The following STK33 variants were observed in gnomAD, a reference collection of about 807,000 sequenced individuals.
STK33 encodes serine/threonine-protein kinase 33.
A neutral mutation model predicts 58.0 loss-of-function variants in STK33; 52 were observed. The observed-to-expected ratio is 0.90, with a 90% CI of 0.72 to 1.13. The LOEUF (loss-of-function observed/expected upper bound fraction) is 1.13, where lower values mean the gene tolerates loss of function less well. STK33 is among the 50% of genes most tolerant of loss of function. The pLI is 0.00. For missense variants in STK33, 630 were observed against 604.2 expected (o/e 1.04, Z -0.45); for synonymous variants, 215 against 200.1 (o/e 1.07, Z -0.63).
chr11:8,490,128 G>A (rs1293257212), intron 1 of STK33, among the ~76,000 whole-genome samples: 1 of 152,256 alleles, frequency 6.6e-6, no homozygotes, highest in Non-Finnish European at 1.5e-5. Context: ...GCCTCACCCA[G>A]GAAGTGCAGG....
downstream of STK33, among the ~76,000 whole-genome samples, chr11:8,390,691 G>A (rs1590667486): frequency 6.6e-6 from 1 of 152,188 alleles, no homozygotes; most frequent in South Asian, 2.1e-4. Flanking sequence ...CATATGACAG[G>A]CAGGGTGGCT....
chr11:8,545,943 A>G (rs1384503903), intron 1 of STK33, among the ~76,000 whole-genome samples: 1 of 152,232 alleles, frequency 6.6e-6, no homozygotes, highest in African/African-American at 2.4e-5. Flanking sequence ...CTACACACAC[A>G]GGCTATGTGG....
At chr11:8,450,463 G>A (rs1946134711) in intron 11 of STK33, among the ~76,000 whole-genome samples, 2 of 151,796 alleles carry the variant, frequency 1.3e-5, no homozygotes, top group Admixed American at 1.3e-4. Context: ...GTAGATGATG[G>A]GTTGATAGGT....
chr11:8,347,481 G>A, the STK33 span, among the ~76,000 whole-genome samples: 1 of 152,250 alleles, frequency 6.6e-6, no homozygotes, highest in African/African-American at 2.4e-5. Context: ...TCACAAGTCA[G>A]TGGTGGGCTC....
At chr11:8,491,852 C>T (rs1009649803) in intron 1 of STK33, among the ~76,000 whole-genome samples, 5 of 152,210 alleles carry the variant, frequency 3.3e-5, no homozygotes, top group South Asian at 2.1e-4. Flanking sequence ...CTAAGCTTCA[C>T]AAGTGAAGAG....
At chr11:8,561,880 A>C (rs911941670) in intron 1 of STK33, among the ~76,000 whole-genome samples, 2 of 152,140 alleles carry the variant, frequency 1.3e-5, no homozygotes, top group Admixed American at 1.3e-4. Context: ...TGCTTATCTC[A>C]ACTAGGGCTA....
At chr11:8,439,962 C>T (rs1316396290) in intron 12 of STK33, among the ~76,000 whole-genome samples, 1 of 147,254 alleles carries the variant, frequency 6.8e-6, no homozygotes, top group Non-Finnish European at 1.5e-5. Flanking sequence ...TGAAAGGACA[C>T]CCCTGGCAGC....
In STK33 at chr11:8,553,357, C is replaced by T. The variant is rs1050885445; in HGVS notation, c.-466+40726G>A. On this transcript the variant is annotated intron_variant, in intron 1 of 15. Coordinates refer to ENST00000687296, the MANE Select transcript of STK33 (RefSeq NM_001352389.2). Reference sequence around the variant, plus strand: ...TAAGTATATGTCCCACACTTTTATACAACTGGAAGTACAGTAAGTTTGGTT... The same window carrying T: ...TAAGTATATGTCCCACACTTTTATATAACTGGAAGTACAGTAAGTTTGGTT... 3.3e-5 allele frequency among the ~76,000 whole-genome samples: 5 copies of T among 150,794 alleles called. No individual in the cohort carries two copies. The Admixed American group carries it at 3.3e-4, about 10-fold the overall frequency.
At chr11:8,575,065 G>C (rs1958084684) in intron 1 of STK33, among the ~76,000 whole-genome samples, 1 of 152,084 alleles carries the variant, frequency 6.6e-6, no homozygotes, top group South Asian at 2.1e-4. Flanking sequence ...GAAGGGAAAG[G>C]ATAATGAAAT....
chr11:8,446,251 T>C (rs1945445553), intron 11 of STK33, among the ~76,000 whole-genome samples: 1 of 137,546 alleles, frequency 7.3e-6, no homozygotes, highest in Non-Finnish European at 1.6e-5. Flanking sequence ...TTATTGTGTC[T>C]ATTTGATTCT....
At chr11:8,352,336 C>T in the STK33 span, among the ~76,000 whole-genome samples, 3 of 152,152 alleles carry the variant, frequency 2.0e-5, no homozygotes, top group African/African-American at 4.8e-5. Context: ...AAAGCAGAAC[C>T]TGCCAAAAGG....
chr11:8,482,573 C>T (rs925812367), intron 1 of STK33, among the ~76,000 whole-genome samples: 1 of 151,684 alleles, frequency 6.6e-6, no homozygotes, highest in African/African-American at 2.4e-5. Flanking sequence ...ATGGAGTGGC[C>T]CAGGAAGTAA....
chr11:8,552,508 A>C (rs913297423), intron 1 of STK33, among the ~76,000 whole-genome samples: 7 of 152,164 alleles, frequency 4.6e-5, no homozygotes, highest in African/African-American at 9.7e-5. Context: ...ATACAGGTTC[A>C]GCTTTACAAA....
At chr11:8,563,395 C>G (rs1446905883) in intron 1 of STK33, among the ~76,000 whole-genome samples, 1 of 152,134 alleles carries the variant, frequency 6.6e-6, no homozygotes, top group Non-Finnish European at 1.5e-5. Flanking sequence ...GGAAGGGTGA[C>G]TCTAACCCAG....
chr11:8,385,978 G>T, the STK33 span, among the ~76,000 whole-genome samples: 1 of 150,274 alleles, frequency 6.7e-6, no homozygotes, highest in Non-Finnish European at 1.5e-5. Flanking sequence ...GTTTCACCAT[G>T]TTAGCCAGGA....
intron 1 of STK33, among the ~76,000 whole-genome samples, chr11:8,557,285 GGGA>G (rs1565358932): frequency 2.1e-5 from 1 of 47,662 alleles, no homozygotes; most frequent in Non-Finnish European, 4.9e-5. Context: ...GGGAGGGGAG[GGGA>G]GGAGAGAAGA....
At chr11:8,491,353 G>A (rs1021934840) in intron 1 of STK33, among the ~76,000 whole-genome samples, 2 of 152,162 alleles carry the variant, frequency 1.3e-5, no homozygotes, top group African/African-American at 4.8e-5. Flanking sequence ...AGTGACTGAA[G>A]ATCAAATGAA....
At chr11:8,457,115 C>T (rs1946950805) in intron 9 of STK33, among the ~76,000 whole-genome samples, 1 of 152,152 alleles carries the variant, frequency 6.6e-6, no homozygotes, top group Non-Finnish European at 1.5e-5. Context: ...ATTAGCTTCT[C>T]TTCAAACTGT....
At chr11:8,507,251 G>A (rs1002048051) in intron 1 of STK33, among the ~76,000 whole-genome samples, 4 of 152,108 alleles carry the variant, frequency 2.6e-5, no homozygotes, top group Non-Finnish European at 4.4e-5. Flanking sequence ...TAAGTGCTGT[G>A]TTCTTTCTAC....
Sources: gnomAD v4.1 joint callset for allele counts (sites outside exome capture counted in the v4.1 genomes callset) on GRCh38, gnomAD v4.1.1 for gene constraint, MANE v1.5 for transcripts, NCBI Gene and HGNC (gene_info 2026-07-23, HGNC 2026-07-21) for gene names.